The following DEUP1 variants were observed in gnomAD, a reference collection of about 807,000 sequenced individuals.
DEUP1 encodes coiled-coil domain containing 67.
Under a neutral mutation model 87.4 loss-of-function variants are expected in DEUP1, and 82 were observed. That is an observed-to-expected ratio of 0.94 (90% CI 0.78 to 1.13). The LOEUF (loss-of-function observed/expected upper bound fraction) is 1.13. DEUP1 is among the 50% of genes most tolerant of loss of function. The pLI, the probability that DEUP1 is intolerant of heterozygous loss-of-function variation, is 0.00. For missense variants in DEUP1, 663 were observed against 681.5 expected, an observed-to-expected ratio of 0.97 and a Z score of 0.30; for synonymous variants, 214 against 222.7, an observed-to-expected ratio of 0.96 and a Z score of 0.35.
chr11:93,357,966 G>T (rs749987811), intron 4 of DEUP1, among the ~76,000 whole-genome samples: 29 of 152,102 alleles, frequency 1.9e-4, no homozygotes, highest in Non-Finnish European at 4.0e-4. Flanking sequence ...ATTATATATG[G>T]TTTTTACTAG....
At chr11:93,351,915 C>T (rs1430579456) in intron 2 of DEUP1, among the ~76,000 whole-genome samples, 1 of 152,186 alleles carries the variant, frequency 6.6e-6, no homozygotes, top group Non-Finnish European at 1.5e-5. Context: ...ATATCTGTTT[C>T]TAACCTTATT....
In DEUP1 at chr11:93,415,134, C is replaced by CT. The variant is rs576548201; in HGVS notation, c.1638+29dup. The stretch of plus-strand genomic sequence containing the variant: ...CCACTGGTGAGTTGCTGGTTGTGGG[C>CT]TTTTTTTTTCTTTAATGGGTTATTG... On this transcript the variant is annotated intron_variant, in intron 13 of 13. Coordinates refer to ENST00000298050, the MANE Select transcript of DEUP1 (RefSeq NM_181645.4). The CT allele has an allele frequency of 1.2e-3, 1,618 of 1,379,500 alleles. 1 individual carries two copies. The highest frequency in any genetic ancestry group is 1.6e-3 in the Admixed American group (91 of 57,260). The allele number at this position is 1,379,500 out of a possible 1,614,324, so 85.5% of individuals were successfully genotyped here.
chr11:93,403,630 G>A (rs1016063413), intron 11 of DEUP1, among the ~76,000 whole-genome samples: 7 of 151,134 alleles, frequency 4.6e-5, no homozygotes, highest in African/African-American at 1.7e-4. Flanking sequence ...AAAAATATTG[G>A]CTTTTGGATT....
rs930535744 is a variant in DEUP1 at position 93,415,036 on chromosome 11, G to T, written c.1560G>T (p.Met520Ile). Residue 520 changes from methionine (M) to isoleucine (I), a missense_variant, in exon 13 of 14, where the codon ATG becomes ATT. Coordinates refer to ENST00000298050, the MANE Select transcript of DEUP1 (RefSeq NM_181645.4). ...ACTGTGAGCCAAACAGAAGTACAATGCCTCCCTTGCCACCTTCGACATTTC... is the reference window on the plus strand; with the variant it reads ...ACTGTGAGCCAAACAGAAGTACAATTCCTCCCTTGCCACCTTCGACATTTC... ...SHDCEPNRST[M>I]PPLPPSTFQA... 6.3e-7 allele frequency: 1 copy of T among 1,599,802 alleles called. No individual in the cohort carries two copies. The highest frequency in any genetic ancestry group is 8.5e-7 in the Non-Finnish European group (1 of 1,174,880).
chr11:93,340,569 C>G (rs1944016789), intron 2 of DEUP1, among the ~76,000 whole-genome samples: 1 of 152,130 alleles, frequency 6.6e-6, no homozygotes, highest in Non-Finnish European at 1.5e-5. Context: ...AAGGCTCGCT[C>G]TAGTTGCTAT....
intron 2 of DEUP1, among the ~76,000 whole-genome samples, chr11:93,341,261 A>T (rs1289185292): frequency 6.6e-6 from 1 of 151,978 alleles, no homozygotes; most frequent in Non-Finnish European, 1.5e-5. Context: ...CTACAAAAAA[A>T]AAAAAAAATT....
At chr11:93,351,271 A>C (rs1472514555) in intron 2 of DEUP1, among the ~76,000 whole-genome samples, 4 of 152,076 alleles carry the variant, frequency 2.6e-5, no homozygotes, top group Non-Finnish European at 5.9e-5. Context: ...TGAGTAGATT[A>C]CATTATGTCC....
chr11:93,371,637 C>T (rs1056437668), intron 7 of DEUP1, among the ~76,000 whole-genome samples: 2 of 152,116 alleles, frequency 1.3e-5, no homozygotes, highest in African/African-American at 4.8e-5. Flanking sequence ...GTTAAAGATA[C>T]AGGAAATCGT....
chr11:93,371,247 G>T lies in DEUP1; in HGVS notation c.756G>T (p.Leu252Phe), dbSNP rs1174695807. The change falls in exon 7 of 14, where the codon TTG (leucine) becomes TTT (phenylalanine). Residue 252 changes from leucine (L) to phenylalanine (F), a missense_variant. Physicochemically the swap from Leu to Phe is conservative, Grantham distance 22. Coordinates refer to ENST00000298050, the MANE Select transcript of DEUP1 (RefSeq NM_181645.4). Reference protein sequence around the residue: ...NKLQDENQKLLQELKMYQRQC... With the variant: ...NKLQDENQKLFQELKMYQRQC... ...TACAAGATGAAAATCAGAAGCTCTT[G>T]CAAGAACTGAAAATGTACCAAAGAC... The T allele has an allele frequency of 6.2e-7, 1 of 1,612,916 alleles. No individual in the cohort carries two copies. Among genetic ancestry groups the T allele is most frequent in the African/African-American group, 1.3e-5 (1 of 74,838 alleles).
At chr11:93,434,319 T>A (rs1400768140) in intron 13 of DEUP1, among the ~76,000 whole-genome samples, 1 of 152,216 alleles carries the variant, frequency 6.6e-6, no homozygotes. Flanking sequence ...GTCAGCCAAC[T>A]CTTCTGTTGA....
intron 13 of DEUP1, 77 bp downstream of exon 13, chr11:93,415,191 C>T (rs186846330): frequency 4.1e-5 from 35 of 850,174 alleles, no homozygotes; most frequent in Admixed American, 1.1e-4. Context: ...AATAAACTGA[C>T]GTACATAGTA....
At chr11:93,413,431 A>G (rs1309036150) in intron 12 of DEUP1, among the ~76,000 whole-genome samples, 2 of 152,070 alleles carry the variant, frequency 1.3e-5, no homozygotes, top group African/African-American at 4.8e-5. Flanking sequence ...TTTAGTAGCG[A>G]CGGGGTTTCA....
chr11:93,389,153 C>G lies in DEUP1; in HGVS notation c.1041+28C>G, dbSNP rs368492604. 7.0e-6 allele frequency: 9 copies of G among 1,290,630 alleles called. No individual in the cohort carries two copies. The African/African-American group carries it at 1.2e-4, about 17-fold the overall frequency. The allele number at this position is 1,290,630 out of a possible 1,614,324, so 79.9% of individuals were successfully genotyped here. On this transcript the variant is annotated intron_variant, in intron 9 of 13. Coordinates refer to ENST00000298050, the MANE Select transcript of DEUP1 (RefSeq NM_181645.4). ...ATGAAAAATAATGAGCTCCATTCTT[C>G]CAGGTAGATGTGAACTCTTTACATA...
chr11:93,365,065 C>T (rs1024396723), intron 5 of DEUP1, among the ~76,000 whole-genome samples: 9 of 151,996 alleles, frequency 5.9e-5, no homozygotes, highest in Non-Finnish European at 1.2e-4. Context: ...TTTTAATTGA[C>T]TTCAAGTTGA....
At chr11:93,366,378 T>A (rs1945417640) in intron 5 of DEUP1, among the ~76,000 whole-genome samples, 1 of 152,222 alleles carries the variant, frequency 6.6e-6, no homozygotes, top group African/African-American at 2.4e-5. Flanking sequence ...AAACATCTAA[T>A]AATACAGCTA....
At chr11:93,404,535 A>G (rs1255462477) in intron 11 of DEUP1, among the ~76,000 whole-genome samples, 1 of 152,102 alleles carries the variant, frequency 6.6e-6, no homozygotes, top group East Asian at 1.9e-4. Context: ...CATACCAACT[A>G]CAAAACATCA....
intron 7 of DEUP1, among the ~76,000 whole-genome samples, chr11:93,373,963 G>T (rs1399820967): frequency 6.6e-6 from 1 of 151,606 alleles, no homozygotes; most frequent in South Asian, 2.1e-4. Flanking sequence ...TTATTTTTTT[G>T]ATTATGGCCA....
intron 11 of DEUP1, among the ~76,000 whole-genome samples, chr11:93,405,168 A>C (rs72643376): frequency 6.6e-6 from 1 of 151,872 alleles, no homozygotes; most frequent in Non-Finnish European, 1.5e-5. Context: ...TAGATATCTT[A>C]TTAAGAGTCA....
chr11:93,400,480 T>C (rs1430334251), intron 11 of DEUP1, among the ~76,000 whole-genome samples: 1 of 152,148 alleles, frequency 6.6e-6, no homozygotes, highest in East Asian at 1.9e-4. Context: ...TCTGTTTCTG[T>C]GCCCAAATTT....
Sources: allele counts gnomAD v4.1 joint callset (sites outside exome capture counted in the v4.1 genomes callset), GRCh38; gene constraint gnomAD v4.1.1; transcripts MANE v1.5; gene names NCBI Gene and HGNC (gene_info 2026-07-23, HGNC 2026-07-21).